Variants in MALRD1 observed in about 807,000 individuals in gnomAD.
MALRD1 encodes MAM and LDL receptor class A domain containing 1, also known as MAM and LDL-receptor class A domain-containing protein 1.
A neutral mutation model predicts 242.1 loss-of-function variants in MALRD1; 247 were observed. That is an observed-to-expected ratio of 1.02 (90% CI 0.92 to 1.13). The LOEUF is 1.13. MALRD1 is among the 50% of genes most tolerant of loss of function. The pLI is 0.00. For synonymous variants in MALRD1, 995 were observed against 866.6 expected, an observed-to-expected ratio of 1.15 and a Z score of -2.60; for missense variants, 2,989 against 2,533.1, an observed-to-expected ratio of 1.18 and a Z score of -3.86.
chr10:19,147,506 A>G (rs1012413227), intron 11 of MALRD1, among the ~76,000 whole-genome samples: 4 of 152,268 alleles, frequency 2.6e-5, no homozygotes, highest in Admixed American at 6.5e-5. Flanking sequence ...AAAGGGGACT[A>G]TAAATCATTG....
intron 9 of MALRD1, among the ~76,000 whole-genome samples, chr10:19,135,322 T>C (rs1833294659): frequency 6.6e-6 from 1 of 152,010 alleles, no homozygotes; most frequent in Non-Finnish European, 1.5e-5. Flanking sequence ...GCCCAGCTAA[T>C]TTTTTGTATT....
At chr10:19,513,162 TG>T (rs1236444766) in intron 31 of MALRD1, among the ~76,000 whole-genome samples, 1 of 152,150 alleles carries the variant, frequency 6.6e-6, no homozygotes, top group African/African-American at 2.4e-5. Flanking sequence ...TGGGACCTAG[TG>T]AGAGGTGCTT....
intron 22 of MALRD1, among the ~76,000 whole-genome samples, chr10:19,324,966 C>A (rs921231681): frequency 2.2e-5 from 3 of 138,012 alleles, no homozygotes; most frequent in East Asian, 2.2e-4. Flanking sequence ...ATATTTATTT[C>A]ATCTCCATTT....
chr10:19,466,114 T>G (rs1041440962), intron 29 of MALRD1, among the ~76,000 whole-genome samples: 1 of 152,202 alleles, frequency 6.6e-6, no homozygotes, highest in Non-Finnish European at 1.5e-5. Flanking sequence ...TATTAAACAT[T>G]TATTTTTCTT....
At position 19,123,551 on chromosome 10, in the gene MALRD1, A is replaced by G; in HGVS notation, c.754A>G (p.Thr252Ala). 2 of 1,233,768 alleles carry G rather than the reference A, an allele frequency of 1.6e-6. No homozygotes were observed. The highest frequency in any genetic ancestry group is 4.1e-5 in the South Asian group (1 of 24,416). 76.4% of individuals were successfully genotyped at this position (1,233,768 alleles called of 1,614,324 possible). ...NAERELCHPD[T>A]DLCRFDATDE... ...TGAGCGGGAGCTATGCCATCCAGAT[A>G]CAGATCTCTGCAGATTTGATGCTAC... The change falls in exon 6 of 40, where the codon ACA (threonine) becomes GCA (alanine). Residue 252 changes from threonine to alanine, a missense_variant. Coordinates refer to ENST00000454679, the MANE Select transcript of MALRD1 (RefSeq NM_001142308.3).
In MALRD1 at chr10:19,337,889, C is replaced by T. The variant is rs188872630; in HGVS notation, c.3901+6307C>T. On this transcript the variant is annotated intron_variant, in intron 24 of 39. Coordinates refer to ENST00000454679, the MANE Select transcript of MALRD1 (RefSeq NM_001142308.3). Reference sequence around the variant, plus strand: ...CATCCTAGCCAACATTGTGAAACCCCATCTCCACTAAAAATACAAAAAATT... The same window carrying T: ...CATCCTAGCCAACATTGTGAAACCCTATCTCCACTAAAAATACAAAAAATT... Among the ~76,000 whole-genome samples, 3 of 151,920 alleles carry T rather than the reference C, an allele frequency of 2.0e-5. No individual in the cohort carries two copies. In the East Asian group the frequency reaches 5.9e-4, roughly 30 times the overall value.
chr10:19,491,254 T>C, intron 29 of MALRD1: 2 of 686,894 alleles, frequency 2.9e-6, no homozygotes, highest in Non-Finnish European at 4.8e-6. Context: ...AATTTGAGTG[T>C]CTCATCCATG....
intron 28 of MALRD1, among the ~76,000 whole-genome samples, chr10:19,437,530 T>G (rs1834399367): frequency 6.6e-6 from 1 of 152,062 alleles, no homozygotes; most frequent in South Asian, 2.1e-4. Flanking sequence ...TTGTTATTGT[T>G]TCTCCTCAAT....
chr10:19,099,231 T>C (rs1053295593), intron 4 of MALRD1, among the ~76,000 whole-genome samples: 4 of 152,178 alleles, frequency 2.6e-5, no homozygotes, highest in Non-Finnish European at 4.4e-5. Context: ...CAGGCTGCTA[T>C]TTGTTATAAA....
chr10:19,593,234 G>A (rs1033587805), intron 33 of MALRD1, among the ~76,000 whole-genome samples: 2 of 152,098 alleles, frequency 1.3e-5, no homozygotes, highest in Admixed American at 6.6e-5. Flanking sequence ...AAACATGATA[G>A]CGATGTCTCC....
intron 36 of MALRD1, among the ~76,000 whole-genome samples, chr10:19,660,631 A>G (rs889802463): frequency 6.6e-6 from 1 of 152,160 alleles, no homozygotes; most frequent in Non-Finnish European, 1.5e-5. Context: ...TTTTGAGAGT[A>G]AAGAGCGATT....
At chr10:19,238,179 AATATGTAATATACATAATATATATTATAT>A (rs1230145080) in intron 18 of MALRD1, among the ~76,000 whole-genome samples, 3 of 48,156 alleles carry the variant, frequency 6.2e-5, no homozygotes, top group Non-Finnish European at 1.1e-4. Flanking sequence ...TATTATATAT[AATATGTAATATACATAATATATATTATAT>A]ATATGTAATA....
chr10:19,577,809 G>A (rs1836904925), intron 33 of MALRD1, among the ~76,000 whole-genome samples: 1 of 151,712 alleles, frequency 6.6e-6, no homozygotes, highest in South Asian at 2.1e-4. Flanking sequence ...ACAACCATAT[G>A]GAAACAATAA....
chr10:19,634,225 T>C (rs1399527208), intron 36 of MALRD1, among the ~76,000 whole-genome samples: 1 of 152,176 alleles, frequency 6.6e-6, no homozygotes, highest in Non-Finnish European at 1.5e-5. Flanking sequence ...CATTTCCTGC[T>C]GCTTTCCCAG....
chr10:19,276,676 C>T (rs779147240), intron 19 of MALRD1, among the ~76,000 whole-genome samples: 10 of 151,936 alleles, frequency 6.6e-5, no homozygotes, highest in Non-Finnish European at 1.2e-4. Flanking sequence ...TTTTTTTTCA[C>T]GTTTTATTAT....
chr10:19,584,549 T>C (rs1428070471), intron 33 of MALRD1, among the ~76,000 whole-genome samples: 1 of 152,216 alleles, frequency 6.6e-6, no homozygotes, highest in Non-Finnish European at 1.5e-5. Flanking sequence ...GTGAGTTTCT[T>C]AATCCTGAGT....
rs543238802 is a variant in MALRD1 at position 19,602,914 on chromosome 10, T to A, written c.5945-4863T>A. Among the ~76,000 whole-genome samples the A allele has an allele frequency of 7.2e-5, 11 of 152,280 alleles. No individual in the cohort carries two copies. In the East Asian group the frequency reaches 1.7e-3, roughly 24 times the overall value. ...TAACTGGTGTGAGATGGTATCTCATTGTGGTTTTGATTTGCATTTCTCTGA... is the reference window on the plus strand; with the variant it reads ...TAACTGGTGTGAGATGGTATCTCATAGTGGTTTTGATTTGCATTTCTCTGA... On this transcript the variant is annotated intron_variant, in intron 34 of 39. Transcript: ENST00000454679.
At chr10:19,659,979 C>T (rs1841351766) in intron 36 of MALRD1, among the ~76,000 whole-genome samples, 1 of 152,126 alleles carries the variant, frequency 6.6e-6, no homozygotes, top group African/African-American at 2.4e-5. Context: ...AACTGCATCC[C>T]CCTTTACAGT....
At chr10:19,598,936 A>G (rs1484162873) in intron 34 of MALRD1, among the ~76,000 whole-genome samples, 1 of 152,178 alleles carries the variant, frequency 6.6e-6, no homozygotes, top group Non-Finnish European at 1.5e-5. Context: ...ACAGGTTGAA[A>G]TGTTTCTGAG....
Sources: gnomAD v4.1 joint callset for allele counts (sites outside exome capture counted in the v4.1 genomes callset) on GRCh38, gnomAD v4.1.1 for gene constraint, MANE v1.5 for transcripts, NCBI Gene and HGNC (gene_info 2026-07-23, HGNC 2026-07-21) for gene names.